The following BLM variants were observed in gnomAD, a reference collection of about 807,000 sequenced individuals.
BLM encodes the protein BLM RecQ like helicase.
Under a neutral mutation model 135.3 loss-of-function variants are expected in BLM, and 95 were observed. That is an observed-to-expected ratio of 0.70 (90% CI 0.59 to 0.83). BLM has a LOEUF of 0.83. Ranked by LOEUF, BLM falls within the 40% of genes least tolerant of loss-of-function variation. The pLI is 0.00. For missense variants in BLM, 1,518 were observed against 1,663.9 expected, an observed-to-expected ratio of 0.91 and a Z score of 1.53; for synonymous variants, 520 against 589.2, an observed-to-expected ratio of 0.88 and a Z score of 1.70.
At position 90,751,717 on chromosome 15, in the gene BLM, C is replaced by A. The variant is rs906146742; in HGVS notation, c.800-70C>A. 3 of 1,363,452 alleles carry A rather than the reference C, an allele frequency of 2.2e-6. No individual in the cohort carries two copies. The Admixed American group carries it at 5.3e-5, about 24-fold the overall frequency. The allele number at this position is 1,363,452 out of a possible 1,614,324, so 84.5% of individuals were successfully genotyped here. ...CTTGCCAGAAGCACTCATTCTTAAT[C>A]GCTCATGCCCTGTTCTTTCTGTCTC... is the stretch of plus-strand genomic sequence containing the variant. On this transcript the variant is annotated intron_variant, in intron 3 of 21. Coordinates refer to ENST00000355112, the MANE Select transcript of BLM (RefSeq NM_000057.4).
At chr15:90,747,319 C>T (rs1202026059) in intron 1 of BLM, 70 bp from the exon 2 acceptor site, 2 of 1,170,856 alleles carry the variant, frequency 1.7e-6, no homozygotes, top group Admixed American at 1.9e-5. Flanking sequence ...AGTCCTTCCT[C>T]CCCTCAAAAA....
At chr15:90,734,248 T>C (rs567347514) in intron 1 of BLM, among the ~76,000 whole-genome samples, 1 of 151,972 alleles carries the variant, frequency 6.6e-6, no homozygotes, top group Non-Finnish European at 1.5e-5. Context: ...TCAACACCAA[T>C]ATATAGTAAA....
At chr15:90,760,504 C>A in intron 6 of BLM, 90 bp from the exon 7 acceptor site, 2 of 1,382,498 alleles carry the variant, frequency 1.4e-6, no homozygotes, top group Admixed American at 2.0e-5. Context: ...GCTACAATTT[C>A]TATTTGGTAT....
At chr15:90,753,588 A>G (rs565089973) in intron 4 of BLM, among the ~76,000 whole-genome samples, 4 of 152,366 alleles carry the variant, frequency 2.6e-5, no homozygotes, top group South Asian at 2.1e-4. Flanking sequence ...TAGTATACAT[A>G]TGTGTATATA....
chr15:90,809,123 A>G lies in BLM; in HGVS notation c.3752-14A>G, dbSNP rs1897346689. The stretch of plus-strand genomic sequence containing the variant: ...GGTGATAATTTAAATTCCTAATTTT[A>G]TGCCTTTGCACAGAATCTTTATCTT... On this transcript the variant is annotated splice_polypyrimidine_tract_variant and intron_variant, in intron 19 of 21. Transcript: ENST00000355112. 1.2e-6 allele frequency: 2 copies of G among 1,613,976 alleles called. No homozygotes were observed. The highest frequency in any genetic ancestry group is 1.1e-5 in the South Asian group (1 of 91,086).
chr15:90,717,523 T>A (rs1168382259), intron 1 of BLM, 83 bp downstream of exon 1: 1 of 152,824 alleles, frequency 6.5e-6, no homozygotes, highest in Non-Finnish European at 1.5e-5. Flanking sequence ...TGGAGGCCGC[T>A]CGGGTTCTTC....
intron 19 of BLM, 39 bp from the exon 20 acceptor site, chr15:90,809,098 G>T: frequency 6.2e-7 from 1 of 1,612,714 alleles, no homozygotes; most frequent in African/African-American, 1.3e-5. Context: ...GTTTTCTATG[G>T]GTGATAATTT....
At chr15:90,786,745 G>T (rs1896759026) in intron 14 of BLM, among the ~76,000 whole-genome samples, 2 of 151,940 alleles carry the variant, frequency 1.3e-5, no homozygotes, top group Admixed American at 1.3e-4. Flanking sequence ...CTCCCAAGTA[G>T]CCGGGACTAT....
rs757148522 is a variant in BLM, at chr15:90,790,748, C to G, written c.2923C>G (p.Gln975Glu). 2 of 1,613,978 alleles carry G rather than the reference C, an allele frequency of 1.2e-6. No homozygotes were observed. The highest frequency in any genetic ancestry group is 4.5e-5 in the East Asian group (2 of 44,892). ...CCCTAAATCTGTGGAGGGTTACTAC[C>G]AAGAATCTGGCAGAGCTGGAAGAGA... ...SLPKSVEGYY[Q>E]ESGRAGRDGE... is the part of the protein sequence containing the mutation. The change falls in exon 15 of 22, where the codon CAA (glutamine) becomes GAA (glutamate). Residue 975 changes from glutamine (Q) to glutamate (E), a missense_variant. Coordinates refer to ENST00000355112, the MANE Select transcript of BLM (RefSeq NM_000057.4).
chr15:90,767,835 C>T (rs1038488314), intron 10 of BLM, among the ~76,000 whole-genome samples: 2 of 152,012 alleles, frequency 1.3e-5, no homozygotes, highest in Non-Finnish European at 2.9e-5. Context: ...GTTTTAGTAT[C>T]CATTGATGAT....
In BLM at chr15:90,815,247, C is replaced by A; in HGVS notation, c.4222C>A (p.Pro1408Thr). ...IMAPPKPINRPFLKPSYAFS is the reference protein window; with the variant it reads ...IMAPPKPINRTFLKPSYAFS ...GGCTCCACCGAAGCCTATAAATAGACCGTTTCTTAAGCCTTCATATGCATT... is the reference window on the plus strand; with the variant it reads ...GGCTCCACCGAAGCCTATAAATAGAACGTTTCTTAAGCCTTCATATGCATT... The change falls in exon 22 of 22, where the codon CCG becomes ACG. Residue 1408 changes from proline (P) to threonine (T), a missense_variant. Around this residue, in one of 5 missense-constraint regions of BLM, gnomAD observed 153 missense variants for 173.4 expected, o/e 0.88. Transcript: ENST00000355112. The surrounding 1 kb of genome is among the most constrained non-coding windows in gnomAD (Gnocchi z 4.6). 6.2e-7 allele frequency: 1 copy of A among 1,614,126 alleles called. No individual in the cohort carries two copies. The highest frequency in any genetic ancestry group is 8.5e-7 in the Non-Finnish European group (1 of 1,180,028).
At chr15:90,766,281 T>C (rs1057038361) in intron 9 of BLM, among the ~76,000 whole-genome samples, 2 of 152,008 alleles carry the variant, frequency 1.3e-5, no homozygotes, top group African/African-American at 4.8e-5. Flanking sequence ...AACCCTGAAA[T>C]ACATTTATCT....
At chr15:90,718,182 T>C (rs1894658837) in intron 1 of BLM, among the ~76,000 whole-genome samples, 2 of 152,232 alleles carry the variant, frequency 1.3e-5, no homozygotes, top group African/African-American at 2.4e-5. Context: ...GTAAGGGTTC[T>C]GTTATCATTA....
At chr15:90,736,494 T>C (rs1172157866) in intron 1 of BLM, among the ~76,000 whole-genome samples, 2 of 152,192 alleles carry the variant, frequency 1.3e-5, no homozygotes, top group African/African-American at 4.8e-5. Flanking sequence ...ACTCCTGGAC[T>C]CAAGCAATCC....
intron 14 of BLM, among the ~76,000 whole-genome samples, chr15:90,789,788 T>A (rs1467536967): frequency 6.6e-6 from 1 of 151,998 alleles, no homozygotes. Context: ...TTTTTTTAAG[T>A]GCTAAAAAAA....
intron 5 of BLM, among the ~76,000 whole-genome samples, chr15:90,755,830 A>G (rs1895802896): frequency 6.6e-6 from 1 of 151,676 alleles, no homozygotes; most frequent in Non-Finnish European, 1.5e-5. Context: ...AATTTCCGAG[A>G]GCTCTTCTTT....
At chr15:90,741,364 G>A (rs187664150) in intron 1 of BLM, among the ~76,000 whole-genome samples, 1 of 152,114 alleles carries the variant, frequency 6.6e-6, no homozygotes, top group East Asian at 1.9e-4. Flanking sequence ...ATTTGGGTGT[G>A]GATTTCTTTT....
intron 21 of BLM, among the ~76,000 whole-genome samples, chr15:90,814,838 G>A (rs866623926): frequency 4.6e-5 from 7 of 152,200 alleles, no homozygotes; most frequent in African/African-American, 1.2e-4. Flanking sequence ...GGGGCGGTGG[G>A]TTGGTCACAA....
At position 90,760,601 on chromosome 15, in the gene BLM, C is replaced by T. The variant is rs200688933; in HGVS notation, c.1228C>T (p.Leu410Phe). ...TCTCTTTTCTCTCTTCAGAAGGAAA[C>T]TTCTAACGGAAGTAGATTTTAATAA... ...LLQQRNIRRK[L>F]LTEVDFNKSD... Residue 410 changes from leucine (L) to phenylalanine (F), a missense_variant, in exon 7 of 22, where the codon CTT (leucine) becomes TTT (phenylalanine). Around this residue, in one of 5 missense-constraint regions of BLM, gnomAD observed 724 missense variants for 756.9 expected, o/e 0.96. Transcript: ENST00000355112. 3.1e-6 allele frequency: 5 copies of T among 1,610,792 alleles called. No homozygotes were observed. Among genetic ancestry groups the T allele is most frequent in the Admixed American group, 1.7e-5 (1 of 59,886 alleles).
Sources: allele counts gnomAD v4.1 joint callset (sites outside exome capture counted in the v4.1 genomes callset), GRCh38; gene constraint gnomAD v4.1.1; regional missense constraint gnomAD v4.1.1; non-coding constraint Gnocchi (gnomAD v3.1); transcripts MANE v1.5; gene names NCBI Gene and HGNC (gene_info 2026-07-23, HGNC 2026-07-21).